KIFBP: variants seen among roughly 807,000 people sequenced by gnomAD.
KIFBP encodes the protein kinesin family binding protein.
In KIFBP, 46 loss-of-function variants were observed where a neutral mutation model predicts 58.9. The observed-to-expected ratio is 0.78, with a 90% CI of 0.62 to 1.00. The LOEUF (loss-of-function observed/expected upper bound fraction) is 1.00. Among genes scored for constraint, KIFBP ranks in the 50% least tolerant of loss-of-function variants. The pLI is 0.00. For missense variants in KIFBP, 651 were observed against 752.9 expected (o/e 0.86, Z 1.58); for synonymous variants, 241 against 283.4 (o/e 0.85, Z 1.50).
At chr10:69,011,193 G>A (rs953601396) in intron 6 of KIFBP, 178 bp downstream of exon 6, 36 of 586,522 alleles carry the variant, frequency 6.1e-5, no homozygotes, top group South Asian at 5.0e-4. Context: ...GCTTGAATCC[G>A]GGAGGCAGAG....
In KIFBP at chr10:69,005,891, C is replaced by T. The variant is rs1438232577; in HGVS notation, c.765C>T (p.Thr255=). The T allele has an allele frequency of 1.9e-6, 3 of 1,614,040 alleles. No homozygotes were observed. The highest frequency in any genetic ancestry group is 1.7e-6 in the Non-Finnish European group (2 of 1,179,986). Residue 255 remains threonine, a synonymous_variant, in exon 4 of 7, where the codon ACC becomes ACT. Coordinates refer to ENST00000361983, the MANE Select transcript of KIFBP (RefSeq NM_015634.4). ...HPIEWAINAA[T]LSQFYINKLC... is the part of the protein sequence containing the mutation. ...TAGAGTGGGCTATCAATGCTGCTAC[C>T]TTGTCACAGTTTTACATCAATAAGG... is the stretch of plus-strand genomic sequence containing the variant.
At chr10:69,013,012 C>G (rs1843610643) in intron 6 of KIFBP, among the ~76,000 whole-genome samples, 5 of 151,940 alleles carry the variant, frequency 3.3e-5, no homozygotes. Context: ...GAAAGAGAAG[C>G]AAGCATGTCT....
At chr10:69,013,265 A>C (rs1011366503) in intron 6 of KIFBP, among the ~76,000 whole-genome samples, 1 of 152,204 alleles carries the variant, frequency 6.6e-6, no homozygotes, top group Non-Finnish European at 1.5e-5. Flanking sequence ...CTACTAAACG[A>C]AAGAAAACCA....
chr10:69,013,765 G>A (rs1357206086), intron 6 of KIFBP, among the ~76,000 whole-genome samples: 1 of 151,982 alleles, frequency 6.6e-6, no homozygotes, highest in Non-Finnish European at 1.5e-5. Context: ...ACCCAGTTTT[G>A]TTTTTTGAGA....
chr10:68,989,382 G>A, intron 1 of KIFBP, 124 bp downstream of exon 1: 2 of 1,078,714 alleles, frequency 1.9e-6, no homozygotes, highest in Non-Finnish European at 2.7e-6. Context: ...TGTAGCTCTG[G>A]ACTGAGTCCC....
chr10:69,011,395 C>CTT (rs10700812), intron 6 of KIFBP: 53,523 of 129,288 alleles, frequency 0.41, 10,442 homozygotes, highest in East Asian at 0.62. Flanking sequence ...ATATCATATT[C>CTT]TTTTTTTTTT....
intron 1 of KIFBP, among the ~76,000 whole-genome samples, chr10:68,996,227 TA>T (rs367871083): frequency 1.3e-4 from 19 of 149,590 alleles, no homozygotes; most frequent in Admixed American, 2.0e-4. Flanking sequence ...AGTCAAGCTT[TA>T]AAAAAAAAAT....
chr10:69,015,352 C>T, intron 6 of KIFBP, 189 bp from the exon 7 acceptor site: 3 of 558,030 alleles, frequency 5.4e-6, no homozygotes, highest in African/African-American at 1.9e-5. Flanking sequence ...TTCCACATTT[C>T]TTGAGTTTTT....
intron 4 of KIFBP, among the ~76,000 whole-genome samples, chr10:69,006,364 GTAA>G (rs1564637183): frequency 6.6e-6 from 1 of 152,272 alleles, no homozygotes; most frequent in South Asian, 2.1e-4. Context: ...AATTAACTCT[GTAA>G]TAATTTTTTA....
intron 6 of KIFBP, among the ~76,000 whole-genome samples, chr10:69,014,715 T>C (rs1260253028): frequency 7.5e-6 from 1 of 133,288 alleles, no homozygotes; most frequent in Non-Finnish European, 1.6e-5. Flanking sequence ...TTTTTTTATT[T>C]GCCCCCCCCC....
chr10:69,008,990 A>G, intron 5 of KIFBP, 65 bp downstream of exon 5: 1 of 1,369,274 alleles, frequency 7.3e-7, no homozygotes, highest in Non-Finnish European at 1.0e-6. Context: ...ATTATTTTAA[A>G]CTTTTGAAAA....
At chr10:69,000,834 A>C (rs1479784485) in intron 2 of KIFBP, among the ~76,000 whole-genome samples, 1 of 152,234 alleles carries the variant, frequency 6.6e-6, no homozygotes, top group African/African-American at 2.4e-5. Context: ...ATTCTATTTT[A>C]GTTTTCCATG....
intron 6 of KIFBP, among the ~76,000 whole-genome samples, chr10:69,013,037 G>GGA (rs377167248): frequency 1.3e-5 from 2 of 151,674 alleles, no homozygotes; most frequent in African/African-American, 4.8e-5. Flanking sequence ...ATGGCAAGCA[G>GGA]GAGAGAGAGA....
At chr10:68,994,751 G>T (rs1402817582) in intron 1 of KIFBP, among the ~76,000 whole-genome samples, 1 of 151,876 alleles carries the variant, frequency 6.6e-6, no homozygotes. Flanking sequence ...GATGAGTTTT[G>T]ACATATATAT....
At chr10:68,996,736 C>A (rs141598579) in intron 1 of KIFBP, among the ~76,000 whole-genome samples, 8,748 of 151,314 alleles carry the variant, frequency 0.058, 303 homozygotes, top group Middle Eastern at 0.11. Flanking sequence ...GTCTGTAATC[C>A]CAGTTACCCA....
Position 69,005,126 on chromosome 10 carries a change from G to T in KIFBP, c.605+1G>T. On this transcript the variant is annotated splice_donor_variant, in intron 3 of 6. Transcript: ENST00000361983. LOFTEE classifies it high-confidence loss of function. The stretch of plus-strand genomic sequence containing the variant: ...TTACTGAACAAGAGAGATCAAAAAG[G>T]TGAGTAGGTATAGAAATCAGCCCTT... 6.2e-7 allele frequency: 1 copy of T among 1,601,682 alleles called. No homozygotes were observed. The highest frequency in any genetic ancestry group is 8.6e-7 in the Non-Finnish European group (1 of 1,168,826).
rs1406956910 is a variant in KIFBP, at chr10:68,988,992, C to T, written c.160C>T (p.Pro54Ser). The T allele has an allele frequency of 6.2e-7, 1 of 1,614,120 alleles. No individual in the cohort carries two copies. The highest frequency in any genetic ancestry group is 1.3e-5 in the African/African-American group (1 of 74,958). Residue 54 changes from proline to serine, a missense_variant, in exon 1 of 7, where the codon CCT (proline) becomes TCT (serine). Transcript: ENST00000361983. ...EEVKALLGPA[P>S]EDEDERPEAE... ...GGTCAAGGCGCTGCTCGGCCCTGCGCCTGAGGACGAGGATGAGCGGCCTGA... is the reference window on the plus strand; with the variant it reads ...GGTCAAGGCGCTGCTCGGCCCTGCGTCTGAGGACGAGGATGAGCGGCCTGA...
intron 4 of KIFBP, chr10:69,006,759 A>G (rs2132114197): frequency 6.6e-6 from 1 of 152,154 alleles, no homozygotes; most frequent in East Asian, 1.9e-4. Context: ...CCGCTGCCTT[A>G]TCCTTGGGCC....
chr10:69,002,686 G>T (rs896376702), intron 2 of KIFBP, among the ~76,000 whole-genome samples: 3 of 151,798 alleles, frequency 2.0e-5, no homozygotes, highest in African/African-American at 7.3e-5. Context: ...GAGGTTCAAA[G>T]ATCAGCCTGG....
Sources: gnomAD v4.1 joint callset for allele counts (sites outside exome capture counted in the v4.1 genomes callset) on GRCh38, gnomAD v4.1.1 for gene constraint, MANE v1.5 for transcripts, NCBI Gene and HGNC (gene_info 2026-07-23, HGNC 2026-07-21) for gene names.